The following TRAPPC9 variants were observed in gnomAD, a reference collection of about 807,000 sequenced individuals.
TRAPPC9 encodes IKK2 binding protein.
TRAPPC9 carries 83 observed loss-of-function variants against 124.0 expected under a neutral mutation model. The ratio of observed to expected loss-of-function variants is 0.67; its 90% CI spans 0.56 to 0.80. The LOEUF (loss-of-function observed/expected upper bound fraction) is 0.80. Among genes scored for constraint, TRAPPC9 ranks in the 30% least tolerant of loss-of-function variants. The pLI is 0.00. For synonymous variants in TRAPPC9, 638 were observed against 617.5 expected (o/e 1.03, Z -0.49); for missense variants, 1,302 against 1,508.3 (o/e 0.86, Z 2.27).
intron 16 of TRAPPC9, chr8:140,238,380 G>A (rs1197965975): frequency 6.6e-6 from 1 of 152,198 alleles, no homozygotes; most frequent in African/African-American, 2.4e-5. Context: ...TCAGCTTACG[G>A]GTGTTGGAAA....
chr8:140,007,736 T>C (rs975163293), intron 18 of TRAPPC9, among the ~76,000 whole-genome samples: 2 of 152,298 alleles, frequency 1.3e-5, no homozygotes, highest in African/African-American at 4.8e-5. Flanking sequence ...AAGTATACAG[T>C]GCTTATCAAT....
intron 21 of TRAPPC9, among the ~76,000 whole-genome samples, chr8:139,781,837 T>A (rs932868926): frequency 2.0e-5 from 3 of 151,900 alleles, no homozygotes; most frequent in African/African-American, 7.3e-5. Flanking sequence ...AATGGAATCA[T>A]AAAAGTACTC....
chr8:140,291,447 C>T (rs1361577705), intron 11 of TRAPPC9, among the ~76,000 whole-genome samples: 1 of 152,198 alleles, frequency 6.6e-6, no homozygotes, highest in Non-Finnish European at 1.5e-5. Flanking sequence ...GTGAGTAACA[C>T]GGAGTGTGAT....
At chr8:139,750,943 C>T (rs1042285852) in intron 21 of TRAPPC9, among the ~76,000 whole-genome samples, 2 of 152,182 alleles carry the variant, frequency 1.3e-5, no homozygotes, top group East Asian at 3.9e-4. Context: ...AGCCAAGAGC[C>T]TCCACCCTCT....
chr8:140,189,898 A>C (rs1337671683), intron 17 of TRAPPC9, among the ~76,000 whole-genome samples: 2 of 152,186 alleles, frequency 1.3e-5, no homozygotes, highest in East Asian at 3.8e-4. Flanking sequence ...CAGCAGCCAC[A>C]TATGCCAGTC....
At chr8:140,261,644 C>T (rs137902368) in intron 15 of TRAPPC9, among the ~76,000 whole-genome samples, 3 of 152,272 alleles carry the variant, frequency 2.0e-5, no homozygotes, top group Admixed American at 6.5e-5. Context: ...CTCAGTCTAG[C>T]GTATCAGGAG....
At chr8:139,864,788 C>T (rs1828416276) in intron 21 of TRAPPC9, among the ~76,000 whole-genome samples, 1 of 152,202 alleles carries the variant, frequency 6.6e-6, no homozygotes, top group South Asian at 2.1e-4. Flanking sequence ...AAGAAAAGCG[C>T]TTGGACCCAG....
At chr8:139,944,961 A>G (rs1443845765) in intron 19 of TRAPPC9, among the ~76,000 whole-genome samples, 3 of 152,124 alleles carry the variant, frequency 2.0e-5, no homozygotes, top group African/African-American at 7.2e-5. Flanking sequence ...TGTCTCTACT[A>G]AAAATACAAA....
At chr8:140,021,635 G>T (rs1839843949) in intron 18 of TRAPPC9, among the ~76,000 whole-genome samples, 1 of 152,134 alleles carries the variant, frequency 6.6e-6, no homozygotes, top group Non-Finnish European at 1.5e-5. Context: ...CAGGAATTGT[G>T]CTCCATTTGT....
At chr8:140,076,247 C>T (rs576472769) in intron 17 of TRAPPC9, among the ~76,000 whole-genome samples, 18 of 152,324 alleles carry the variant, frequency 1.2e-4, no homozygotes, top group African/African-American at 3.8e-4. Flanking sequence ...CACTTGATGA[C>T]ATCACTGCCA....
intron 6 of TRAPPC9, among the ~76,000 whole-genome samples, chr8:140,401,086 G>T (rs1470581482): frequency 6.6e-6 from 1 of 152,170 alleles, no homozygotes; most frequent in Admixed American, 6.5e-5. Context: ...TTTTGCTGGG[G>T]CATTAGGTCA....
At chr8:139,847,996 C>T (rs527769783) in intron 21 of TRAPPC9, among the ~76,000 whole-genome samples, 5 of 152,362 alleles carry the variant, frequency 3.3e-5, no homozygotes, top group African/African-American at 7.2e-5. Context: ...CTTGGTCTGC[C>T]GGAACTGGAA....
At chr8:140,102,939 G>T (rs1200159801) in intron 17 of TRAPPC9, among the ~76,000 whole-genome samples, 1 of 152,230 alleles carries the variant, frequency 6.6e-6, no homozygotes, top group African/African-American at 2.4e-5. Context: ...TTGCAAAGCT[G>T]AGTGTCTGAA....
At chr8:140,009,144 T>G (rs1196330711) in intron 18 of TRAPPC9, among the ~76,000 whole-genome samples, 2 of 152,178 alleles carry the variant, frequency 1.3e-5, no homozygotes, top group Non-Finnish European at 2.9e-5. Context: ...AGAAATGTAC[T>G]TATCATGAAA....
At chr8:139,896,792 C>T (rs1830694434) in intron 20 of TRAPPC9, among the ~76,000 whole-genome samples, 1 of 152,226 alleles carries the variant, frequency 6.6e-6, no homozygotes, top group Non-Finnish European at 1.5e-5. Flanking sequence ...CCAAGCCTGG[C>T]CAGTGTTTTT....
At chr8:140,198,039 G>C (rs1246424749) in intron 17 of TRAPPC9, among the ~76,000 whole-genome samples, 1 of 152,190 alleles carries the variant, frequency 6.6e-6, no homozygotes, top group African/African-American at 2.4e-5. Context: ...AACTGTCTCT[G>C]CTTCCTCCTC....
chr8:140,455,429 T>G (rs1244762908), intron 1 of TRAPPC9, among the ~76,000 whole-genome samples: 4 of 148,296 alleles, frequency 2.7e-5, no homozygotes, highest in African/African-American at 1.0e-4. Context: ...TTATTCTTGT[T>G]TTTTGTTTGT....
intron 21 of TRAPPC9, among the ~76,000 whole-genome samples, chr8:139,796,809 T>C (rs1204580696): frequency 1.3e-5 from 2 of 152,234 alleles, no homozygotes; most frequent in African/African-American, 2.4e-5. Context: ...TGTTTAACTT[T>C]GTGAGGAACT....
At chr8:140,274,684 G>T (rs1358460034) in intron 15 of TRAPPC9, among the ~76,000 whole-genome samples, 1 of 152,146 alleles carries the variant, frequency 6.6e-6, no homozygotes, top group Non-Finnish European at 1.5e-5. Context: ...CTCAGCCCTG[G>T]ACCTTCCCTC....
Sources: allele counts gnomAD v4.1 joint callset (sites outside exome capture counted in the v4.1 genomes callset), GRCh38; gene constraint gnomAD v4.1.1; transcripts MANE v1.5; gene names NCBI Gene and HGNC (gene_info 2026-07-23, HGNC 2026-07-21).